CALB1: variants seen among roughly 807,000 people sequenced by gnomAD.
CALB1 encodes calbindin.
CALB1 carries 16 observed loss-of-function variants against 46.7 expected under a neutral mutation model. That is an observed-to-expected ratio of 0.34 (90% CI 0.23 to 0.52). The LOEUF is 0.52. Among genes scored for constraint, CALB1 ranks in the 20% least tolerant of loss-of-function variants. CALB1 has a pLI of 0.95. For missense variants in CALB1, 224 were observed against 300.3 expected, an observed-to-expected ratio of 0.75 and a Z score of 1.88; for synonymous variants, 90 against 112.8, an observed-to-expected ratio of 0.80 and a Z score of 1.28.
rs542562568 is a variant in CALB1 at position 90,069,710 on chromosome 8, T to C, written c.232-473A>G. ...TGGGGAGGGGAGTGAAGGGGGAAAA[T>C]GTATTCCCAAGCCCGAGGAGAAAGC... On this transcript the variant is annotated intron_variant, in intron 3 of 10. Coordinates refer to ENST00000265431, the MANE Select transcript of CALB1 (RefSeq NM_004929.4). Among the ~76,000 whole-genome samples the C allele has an allele frequency of 4.3e-4, 65 of 151,928 alleles. No individual in the cohort carries two copies. In the Middle Eastern group the frequency reaches 0.014, roughly 32 times the overall value.
Position 90,069,169 on chromosome 8 carries a change from A to G in CALB1, c.300T>C (p.Cys100=). 1 of 1,613,756 alleles carries G rather than the reference A, an allele frequency of 6.2e-7. No individual in the cohort carries two copies. Residue 100 remains cysteine, a synonymous_variant, in exon 4 of 11, where the codon TGT becomes TGC. Transcript: ENST00000265431. ...TTTCTTATACCTTCATGAATTCCTC[A>G]CAGGACTTCAGCTGCTGGCATCGGA... is the stretch of plus-strand genomic sequence containing the variant. ...LLFRCQQLKS[C]EEFMKTWRKY... is the part of the protein sequence containing the mutation.
intron 5 of CALB1, among the ~76,000 whole-genome samples, chr8:90,067,526 G>A (rs981266641): frequency 7.9e-5 from 12 of 152,162 alleles, no homozygotes; most frequent in African/African-American, 1.2e-4. Context: ...CTGCAAGTTT[G>A]TAAAATACAC....
At chr8:90,070,078 G>A (rs1814481493) in intron 3 of CALB1, among the ~76,000 whole-genome samples, 1 of 151,524 alleles carries the variant, frequency 6.6e-6, no homozygotes, top group South Asian at 2.1e-4. Context: ...CACTACAGAT[G>A]TGAGATCTAT....
At chr8:90,064,671 G>T (rs1000510311) in intron 6 of CALB1, among the ~76,000 whole-genome samples, 2 of 151,774 alleles carry the variant, frequency 1.3e-5, no homozygotes, top group Non-Finnish European at 3.0e-5. Context: ...TTACCTAAAA[G>T]TTATTCAGAG....
intron 6 of CALB1, chr8:90,064,429 C>T (rs1814354411): frequency 6.6e-6 from 1 of 151,486 alleles, no homozygotes; most frequent in African/African-American, 2.4e-5. Context: ...AAATATTTCC[C>T]AACATATATA....
intron 2 of CALB1, among the ~76,000 whole-genome samples, chr8:90,078,884 A>T (rs1814668473): frequency 6.6e-6 from 1 of 152,002 alleles, no homozygotes; most frequent in South Asian, 2.1e-4. Flanking sequence ...ATGGAGAGTA[A>T]TATATGTTTT....
intron 3 of CALB1, 76 bp from the exon 4 acceptor site, chr8:90,069,313 G>T: frequency 3.6e-6 from 4 of 1,113,782 alleles, no homozygotes; most frequent in Non-Finnish European, 5.5e-6. Context: ...CTGCTGCTTA[G>T]TTTTTCTTCA....
chr8:90,077,366 A>G (rs1027531010), intron 3 of CALB1, among the ~76,000 whole-genome samples: 1 of 152,044 alleles, frequency 6.6e-6, no homozygotes, highest in Non-Finnish European at 1.5e-5. Context: ...CAAGTGTCCT[A>G]TAAGATCAAT....
intron 2 of CALB1, among the ~76,000 whole-genome samples, chr8:90,080,167 A>G (rs1161236755): frequency 6.6e-6 from 1 of 151,976 alleles, no homozygotes; most frequent in Non-Finnish European, 1.5e-5. Context: ...ATATAATCCT[A>G]TAACTATGCT....
Position 90,082,115 on chromosome 8 carries a change from A to G in CALB1, c.80-13T>C, listed in dbSNP as rs1814743853. On this transcript the variant is annotated splice_polypyrimidine_tract_variant and intron_variant, in intron 1 of 10. Coordinates refer to ENST00000265431, the MANE Select transcript of CALB1 (RefSeq NM_004929.4). ...AGGTAACCACTTCCTGCAAAGACAA[A>G]GAGGCACCCAGGTGTCAGATATCTC... 6.2e-7 allele frequency: 1 copy of G among 1,609,084 alleles called. No homozygotes were observed.
At position 90,067,630 on chromosome 8, in the gene CALB1, G is replaced by A. The variant is rs74513439; in HGVS notation, c.372+1368C>T. On this transcript the variant is annotated intron_variant, in intron 5 of 10. Coordinates refer to ENST00000265431, the MANE Select transcript of CALB1 (RefSeq NM_004929.4). Reference sequence around the variant, plus strand: ...ATTTTGCCATGGCCCAAATGTCCCCGTTCCATCTTTAAAATTGTATGCTAC... The same window carrying A: ...ATTTTGCCATGGCCCAAATGTCCCCATTCCATCTTTAAAATTGTATGCTAC... Among the ~76,000 whole-genome samples, 767 of 152,158 alleles carry A rather than the reference G, an allele frequency of 5.0e-3. 8 individuals are homozygous for A. Among genetic ancestry groups the A allele is most frequent in the African/African-American group, 0.017 (699 of 41,518 alleles).
intron 6 of CALB1, among the ~76,000 whole-genome samples, chr8:90,065,233 T>C (rs1431077553): frequency 6.6e-6 from 1 of 150,800 alleles, no homozygotes; most frequent in South Asian, 2.1e-4. Context: ...TATCTGCTCT[T>C]TTTTTTTTCC....
intron 6 of CALB1, among the ~76,000 whole-genome samples, chr8:90,065,153 A>G (rs1393895269): frequency 1.3e-5 from 2 of 151,806 alleles, no homozygotes; most frequent in Non-Finnish European, 3.0e-5. Context: ...GTGATGAGTC[A>G]AAATGAGCAA....
At chr8:90,082,490 T>C (rs1406496106) in intron 1 of CALB1, 129 bp downstream of exon 1, 1 of 770,228 alleles carries the variant, frequency 1.3e-6, no homozygotes, top group African/African-American at 1.7e-5. Flanking sequence ...AAGATAAGAT[T>C]AGGCAGAAGG....
At chr8:90,060,553 AAATGGATGTGCT>A (rs1814276745) in intron 10 of CALB1, 64 bp downstream of exon 10, 1 of 1,145,352 alleles carries the variant, frequency 8.7e-7, no homozygotes, top group Non-Finnish European at 1.3e-6. Context: ...TAGATTTCCA[AAATGGATGTGCT>A]GTTGGTTTTG....
chr8:90,072,415 C>A (rs1814541877), intron 3 of CALB1, among the ~76,000 whole-genome samples: 2 of 152,162 alleles, frequency 1.3e-5, no homozygotes, highest in Admixed American at 6.5e-5. Context: ...CAATGTGCAA[C>A]ATATTCAATC....
rs1814455844 is a variant in CALB1, at chr8:90,069,241, G to A, written c.232-4C>T. 1 of 1,610,966 alleles carries A rather than the reference G, an allele frequency of 6.2e-7. No homozygotes were observed. The highest frequency in any genetic ancestry group is 8.5e-7 in the Non-Finnish European group (1 of 1,177,440). On this transcript the variant is annotated splice_polypyrimidine_tract_variant and splice_region_variant and intron_variant, in intron 3 of 10. Coordinates refer to ENST00000265431, the MANE Select transcript of CALB1 (RefSeq NM_004929.4). ...CTGTGGGTAATACGTGAGCCAACTG[G>A]AAAAGATTTAAGAAGAGAGAAACGT...
chr8:90,062,568 C>T (rs919651858), intron 9 of CALB1: 3 of 151,580 alleles, frequency 2.0e-5, no homozygotes, highest in African/African-American at 7.3e-5. Flanking sequence ...TATAAATGGC[C>T]AACAGGTAAT....
rs1039847424 is a variant in CALB1 at position 90,081,954 on chromosome 8, T to C, written c.156+72A>G. 15 of 1,381,474 alleles carry C rather than the reference T, an allele frequency of 1.1e-5. No individual in the cohort carries two copies. In the African/African-American group the frequency reaches 2.0e-4, roughly 19 times the overall value. 85.6% of individuals were successfully genotyped at this position (1,381,474 alleles called of 1,614,324 possible). A position where few individuals can be genotyped will look rare whatever the true frequency, so the allele number is the denominator to read the frequency against. On this transcript the variant is annotated intron_variant, in intron 2 of 10. Coordinates refer to ENST00000265431, the MANE Select transcript of CALB1 (RefSeq NM_004929.4). ...GAAAGCGCTTTACGCTACTGGCTTT[T>C]TGTGAAAACACAAGAATGTTTTAAT...
Sources: allele counts gnomAD v4.1 joint callset (sites outside exome capture counted in the v4.1 genomes callset), GRCh38; gene constraint gnomAD v4.1.1; transcripts MANE v1.5; gene names NCBI Gene and HGNC (gene_info 2026-07-23, HGNC 2026-07-21).